Variants in RNF128 observed in about 807,000 individuals in gnomAD.
The protein encoded by RNF128 is ring finger protein 128, also known as E3 ubiquitin-protein ligase RNF128.
In RNF128, 13 loss-of-function variants were observed where a neutral mutation model predicts 26.2. The ratio of observed to expected loss-of-function variants is 0.50; its 90% CI spans 0.32 to 0.79. The LOEUF is 0.79. Among genes scored for constraint, RNF128 ranks in the 30% least tolerant of loss-of-function variants. The probability of loss-of-function intolerance (pLI) is 0.03; values close to 1 mark genes in which losing one functional copy is unlikely to be tolerated. For missense variants in RNF128, 315 were observed against 349.7 expected (o/e 0.90, Z 0.79); for synonymous variants, 149 against 142.5 (o/e 1.05, Z -0.32).
intron 1 of RNF128, among the ~76,000 whole-genome samples, chrX:106,769,984 AATTTT>A (rs1193348476): frequency 9.0e-6 from 1 of 111,154 alleles, no homozygotes; most frequent in African/African-American, 3.3e-5. Context: ...GTCTGTAAAG[AATTTT>A]ATTTCTCCTT....
chrX:106,693,953 G>C (rs1481619219), exon 1 of RNF128: 2 of 1,079,320 alleles, frequency 1.9e-6, no homozygotes, highest in South Asian at 2.2e-5. Context: ...GTGACTGATA[G>C]TTGGAAATAT....
At position 106,726,815 on chromosome X, in the gene RNF128, C is replaced by G. The variant is rs1348113277; in HGVS notation, c.-99C>G. 3 of 1,086,619 alleles carry G rather than the reference C, an allele frequency of 2.8e-6. No homozygotes were observed. The highest frequency in any genetic ancestry group is 3.6e-6 in the Non-Finnish European group (3 of 841,804). The allele number at this position is 1,086,619 out of a possible 1,213,427, so 89.5% of individuals were successfully genotyped here. A position where few individuals can be genotyped will look rare whatever the true frequency, so the allele number is the denominator to read the frequency against. On this transcript the variant is annotated 5_prime_UTR_variant, in exon 1 of 7. Transcript: ENST00000255499. The stretch of plus-strand genomic sequence containing the variant: ...CGCAGCTCCCCAGTCTCACTCCATT[C>G]CTTCCCCACCTGGCGCGCACCTGCT...
chrX:106,766,112 T>C (rs1306150689), intron 1 of RNF128, among the ~76,000 whole-genome samples: 1 of 111,954 alleles, frequency 8.9e-6, no homozygotes, highest in East Asian at 2.8e-4. Flanking sequence ...ATCCAGTCTA[T>C]TATTGAAGGA....
chrX:106,750,953 A>C (rs779684192), intron 1 of RNF128, among the ~76,000 whole-genome samples: 2 of 112,033 alleles, frequency 1.8e-5, no homozygotes, highest in Non-Finnish European at 3.8e-5. Context: ...ATAATGGCAT[A>C]CAAAGATAAT....
intron 1 of RNF128, among the ~76,000 whole-genome samples, chrX:106,700,760 A>G (rs1455769174): frequency 8.9e-6 from 1 of 111,833 alleles, no homozygotes; most frequent in Non-Finnish European, 1.9e-5. Context: ...ACGTACAGAA[A>G]ACACGTAGTC....
chrX:106,716,526 T>A (rs1343328678), intron 1 of RNF128, among the ~76,000 whole-genome samples: 4 of 111,559 alleles, frequency 3.6e-5, no homozygotes, highest in African/African-American at 1.3e-4. Context: ...AGTGGTTAAA[T>A]GACTGTATAT....
At chrX:106,768,405 T>C (rs1325233016) in intron 1 of RNF128, among the ~76,000 whole-genome samples, 1 of 111,668 alleles carries the variant, frequency 9.0e-6, no homozygotes, top group Non-Finnish European at 1.9e-5. Context: ...CTGTTATTGG[T>C]CTATTCAGAG....
At chrX:106,758,464 A>G (rs1407994472) in intron 1 of RNF128, among the ~76,000 whole-genome samples, 1 of 111,824 alleles carries the variant, frequency 8.9e-6, no homozygotes, top group Non-Finnish European at 1.9e-5. Context: ...CAGAAGACCC[A>G]GAATAGCCAA....
chrX:106,781,930 T>G (rs749373168), intron 2 of RNF128, among the ~76,000 whole-genome samples: 15 of 112,102 alleles, frequency 1.3e-4, no homozygotes, highest in Non-Finnish European at 2.6e-4. Context: ...CTCCTGGGCA[T>G]AGACTCAGAC....
intron 1 of RNF128, among the ~76,000 whole-genome samples, chrX:106,707,124 CCTAA>C (rs199754461): frequency 0.015 from 1,701 of 111,736 alleles, 30 homozygotes; most frequent in African/African-American, 0.052. Context: ...TTCCTGAATT[CCTAA>C]CTATTATAGA....
At chrX:106,788,433 T>C (rs1930720472) in intron 4 of RNF128, among the ~76,000 whole-genome samples, 1 of 49,806 alleles carries the variant, frequency 2.0e-5, no homozygotes, top group Non-Finnish European at 3.3e-5. Flanking sequence ...ATATTATATA[T>C]AATATTATTA....
chrX:106,765,760 A>T (rs752618888), intron 1 of RNF128, among the ~76,000 whole-genome samples: 11 of 111,122 alleles, frequency 9.9e-5, no homozygotes, highest in African/African-American at 3.3e-4. Flanking sequence ...CTACATGTGC[A>T]CAACATGCAG....
intron 1 of RNF128, among the ~76,000 whole-genome samples, chrX:106,755,795 G>A (rs1929995959): frequency 9.0e-6 from 1 of 110,876 alleles, no homozygotes; most frequent in Admixed American, 9.6e-5. Flanking sequence ...AAGTCAAATT[G>A]TCCCTGTTTG....
At chrX:106,726,012 G>C (rs1929386062), upstream of RNF128, among the ~76,000 whole-genome samples, 1 of 113,132 alleles carries the variant, frequency 8.8e-6, no homozygotes, top group Non-Finnish European at 1.9e-5. Context: ...CATGAATAGC[G>C]CAGGAACATC....
intron 1 of RNF128, among the ~76,000 whole-genome samples, chrX:106,747,991 C>G (rs1205836285): frequency 9.0e-6 from 1 of 111,679 alleles, no homozygotes; most frequent in Non-Finnish European, 1.9e-5. Context: ...CAGTAAAACA[C>G]TTAATGAATG....
At chrX:106,793,904 C>T (rs1433615878) in intron 6 of RNF128, among the ~76,000 whole-genome samples, 1 of 110,820 alleles carries the variant, frequency 9.0e-6, no homozygotes, top group Non-Finnish European at 1.9e-5. Context: ...CAGGTTTCTC[C>T]CTTTAAAGTT....
intron 1 of RNF128, among the ~76,000 whole-genome samples, chrX:106,753,165 C>A (rs770685023): frequency 1.3e-4 from 15 of 111,617 alleles, no homozygotes; most frequent in Non-Finnish European, 2.6e-4. Context: ...TATTATAACA[C>A]TGTAGTTGTG....
In RNF128 at chrX:106,785,032, T is replaced by C. The variant is rs370671381; in HGVS notation, c.733-33T>C. Reference sequence around the variant, plus strand: ...TCATCATACTTCTTTTAAAAAATAGTTTTTCTAATACCTGCTGTTTTTTTT... The same window carrying C: ...TCATCATACTTCTTTTAAAAAATAGCTTTTCTAATACCTGCTGTTTTTTTT... On this transcript the variant is annotated intron_variant, in intron 2 of 6. Transcript: ENST00000255499. 88 of 1,062,130 alleles carry C rather than the reference T, an allele frequency of 8.3e-5. No individual in the cohort carries two copies. In the African/African-American group the frequency reaches 1.5e-3, roughly 18 times the overall value. The allele number at this position is 1,062,130 out of a possible 1,213,427, so 87.5% of individuals were successfully genotyped here.
At chrX:106,788,419 A>ATATATAT (rs1195762913) in intron 4 of RNF128, among the ~76,000 whole-genome samples, 32 of 42,472 alleles carry the variant, frequency 7.5e-4, no homozygotes, top group African/African-American at 3.1e-3. Context: ...ATAATATATA[A>ATATATAT]TATATATTAT....
Sources: allele counts gnomAD v4.1 joint callset (sites outside exome capture counted in the v4.1 genomes callset), GRCh38; gene constraint gnomAD v4.1.1; transcripts MANE v1.5; gene names NCBI Gene and HGNC (gene_info 2026-07-23, HGNC 2026-07-21).